The following TMEM14A variants were observed in gnomAD, a reference collection of about 807,000 sequenced individuals.
The protein encoded by TMEM14A is transmembrane protein 14A.
TMEM14A carries 8 observed loss-of-function variants against 11.6 expected under a neutral mutation model. That is an observed-to-expected ratio of 0.69 (90% CI 0.40 to 1.24). The LOEUF (loss-of-function observed/expected upper bound fraction) is 1.24. TMEM14A is among the 50% of genes most tolerant of loss of function. TMEM14A has a pLI of 0.01. For synonymous variants in TMEM14A, 34 were observed against 45.5 expected, an observed-to-expected ratio of 0.75 and a Z score of 1.02; for missense variants, 108 against 121.9, an observed-to-expected ratio of 0.89 and a Z score of 0.54.
chr6:52,675,910 G>A (rs1363976613), intron 1 of TMEM14A, among the ~76,000 whole-genome samples: 1 of 152,216 alleles, frequency 6.6e-6, no homozygotes, highest in Non-Finnish European at 1.5e-5. Context: ...GTACAGACTA[G>A]AGTCAAGGAA....
At chr6:52,681,302 A>G (rs1769387648) in intron 2 of TMEM14A, among the ~76,000 whole-genome samples, 1 of 152,040 alleles carries the variant, frequency 6.6e-6, no homozygotes, top group Non-Finnish European at 1.5e-5. Flanking sequence ...TTAGTCCTTG[A>G]GTCCTGACAT....
chr6:52,674,020 A>G (rs1249904027), intron 1 of TMEM14A, among the ~76,000 whole-genome samples: 1 of 152,244 alleles, frequency 6.6e-6, no homozygotes, highest in Non-Finnish European at 1.5e-5. Context: ...AGTGCTTTAC[A>G]GTATTAAATC....
intron 2 of TMEM14A, among the ~76,000 whole-genome samples, chr6:52,677,833 T>C (rs892431251): frequency 6.6e-6 from 1 of 152,196 alleles, no homozygotes; most frequent in African/African-American, 2.4e-5. Flanking sequence ...GTATTGTATT[T>C]GTGGCAGTGG....
chr6:52,680,782 G>A (rs1769376345), intron 2 of TMEM14A, among the ~76,000 whole-genome samples: 1 of 144,480 alleles, frequency 6.9e-6, no homozygotes, highest in Non-Finnish European at 1.5e-5. Flanking sequence ...GACTTAGCCA[G>A]AGTCCTTTAG....
At position 52,680,691 on chromosome 6, in the gene TMEM14A, GTATATATATATATACACA is replaced by G. The variant is rs1769368430; in HGVS notation, c.71-1112_71-1095del. Among the ~76,000 whole-genome samples, 3 of 35,332 alleles carry G rather than the reference GTATATATATATATACACA, an allele frequency of 8.5e-5. 1 individual carries two copies. In the South Asian group the frequency reaches 3.7e-3, roughly 43 times the overall value. The allele number at this position is 35,332 out of a possible 152,430, so 23.2% of individuals were successfully genotyped here. ...TGTGTATATATATATATACATATAT[GTATATATATATATACACA>G]TATATATATGGCATGGATGATTAAC... On this transcript the variant is annotated intron_variant, in intron 2 of 4. Coordinates refer to ENST00000211314, the MANE Select transcript of TMEM14A (RefSeq NM_014051.4).
intron 2 of TMEM14A, among the ~76,000 whole-genome samples, chr6:52,679,373 A>G (rs1470611979): frequency 6.6e-6 from 1 of 152,186 alleles, no homozygotes; most frequent in Non-Finnish European, 1.5e-5. Context: ...CTTGTCCCAC[A>G]CTAGGGCTGA....
chr6:52,685,980 C>T lies in TMEM14A; in HGVS notation c.261-30C>T, dbSNP rs1032472357. ...TCTTATGCCAGATAAAAGTGACTCT[C>T]CCTTTGTCTTTGTTTTATTTTAAAT... On this transcript the variant is annotated intron_variant, in intron 4 of 4. Coordinates refer to ENST00000211314, the MANE Select transcript of TMEM14A (RefSeq NM_014051.4). 7 of 1,608,228 alleles carry T rather than the reference C, an allele frequency of 4.4e-6. No homozygotes were observed. In the Admixed American group the frequency reaches 1.0e-4, roughly 23 times the overall value.
At chr6:52,684,857 A>G (rs1380897225) in intron 4 of TMEM14A, among the ~76,000 whole-genome samples, 5 of 152,266 alleles carry the variant, frequency 3.3e-5, no homozygotes, top group Non-Finnish European at 5.9e-5. Flanking sequence ...CTTTATTTCT[A>G]GTGAAAACAC....
chr6:52,678,137 C>T (rs1198015365), intron 2 of TMEM14A, among the ~76,000 whole-genome samples: 2 of 152,134 alleles, frequency 1.3e-5, no homozygotes, highest in African/African-American at 4.8e-5. Flanking sequence ...TGATGTTTCA[C>T]AATCTACTTT....
Position 52,676,757 on chromosome 6 carries a change from A to G in TMEM14A, c.-16-330A>G, listed in dbSNP as rs181800002. 5.9e-3 allele frequency among the ~76,000 whole-genome samples: 899 copies of G among 152,306 alleles called. 8 individuals are homozygous for G. Among genetic ancestry groups the G allele is most frequent in the Non-Finnish European group, 6.1e-3 (414 of 68,010 alleles). ...TCAGGAAACTTATAATCATGGTGGA[A>G]GGCAAAGGGGAAGCAAGCATGTCTT... On this transcript the variant is annotated intron_variant, in intron 1 of 4. Coordinates refer to ENST00000211314, the MANE Select transcript of TMEM14A (RefSeq NM_014051.4).
chr6:52,671,801 T>C (rs1769166775), intron 1 of TMEM14A, among the ~76,000 whole-genome samples: 1 of 152,248 alleles, frequency 6.6e-6, no homozygotes, highest in African/African-American at 2.4e-5. Flanking sequence ...AGATGCGTTT[T>C]AGTCCTTCCA....
At chr6:52,674,833 C>T (rs1769225215) in intron 1 of TMEM14A, among the ~76,000 whole-genome samples, 1 of 151,612 alleles carries the variant, frequency 6.6e-6, no homozygotes, top group Admixed American at 6.6e-5. Flanking sequence ...TCCCCCATAC[C>T]CTTCCTCATA....
chr6:52,674,080 T>A (rs1769211241), intron 1 of TMEM14A, among the ~76,000 whole-genome samples: 1 of 152,228 alleles, frequency 6.6e-6, no homozygotes, highest in Admixed American at 6.5e-5. Flanking sequence ...GTTATCCCTA[T>A]TTTAAAGATG....
chr6:52,683,962 CAGTACCTATCCATA>C, intron 3 of TMEM14A, 102 bp from the exon 4 acceptor site: 1 of 946,466 alleles, frequency 1.1e-6, no homozygotes, highest in South Asian at 1.7e-5. Flanking sequence ...AATGGCAACT[CAGTACCTATCCATA>C]ATAGTTGTAA....
intron 1 of TMEM14A, among the ~76,000 whole-genome samples, chr6:52,673,341 C>G (rs1268453743): frequency 9.0e-6 from 1 of 111,672 alleles, no homozygotes; most frequent in African/African-American, 3.1e-5. Flanking sequence ...GAATTGAGGC[C>G]TTGAATTTTG....
At chr6:52,683,077 G>A (rs1769421544) in intron 3 of TMEM14A, among the ~76,000 whole-genome samples, 1 of 152,138 alleles carries the variant, frequency 6.6e-6, no homozygotes, top group Admixed American at 6.5e-5. Context: ...GTGGGTCCAA[G>A]TGTGCTACTT....
chr6:52,684,088 C>T lies in TMEM14A; in HGVS notation c.183C>T (p.Phe61=), dbSNP rs147583748. The T allele has an allele frequency of 2.0e-4, 319 of 1,612,890 alleles. No homozygotes were observed. Among genetic ancestry groups the T allele is most frequent in the Non-Finnish European group, 2.4e-4 (281 of 1,179,676 alleles). The change falls in exon 4 of 5, where the codon TTC becomes TTT. Residue 61 remains phenylalanine (F), a synonymous_variant. Transcript: ENST00000211314. ...TAGTTTGGTTTTCAGTTACAGCTTT[C>T]TTCCTGGCTACCATAATGGGTGTGA... ...RDVKVSLFTA[F]FLATIMGVRF...
chr6:52,684,303 G>A, intron 4 of TMEM14A, 138 bp downstream of exon 4: 1 of 715,600 alleles, frequency 1.4e-6, no homozygotes, highest in Non-Finnish European at 2.3e-6. Context: ...CCTTAAGATA[G>A]CATGGATTCA....
intron 1 of TMEM14A, among the ~76,000 whole-genome samples, chr6:52,671,586 C>G (rs1304849192): frequency 6.6e-6 from 1 of 152,156 alleles, no homozygotes; most frequent in East Asian, 1.9e-4. Context: ...AGACCCCACT[C>G]GAAAATGTGC....
Sources: gnomAD v4.1 joint callset for allele counts (sites outside exome capture counted in the v4.1 genomes callset) on GRCh38, gnomAD v4.1.1 for gene constraint, MANE v1.5 for transcripts, NCBI Gene and HGNC (gene_info 2026-07-23, HGNC 2026-07-21) for gene names.